Variants in ACTN1 observed in about 807,000 individuals in gnomAD.
ACTN1 encodes alpha-actinin-1.
A neutral mutation model predicts 119.6 loss-of-function variants in ACTN1; 30 were observed. That is an observed-to-expected ratio of 0.25 (90% CI 0.19 to 0.34). The LOEUF (loss-of-function observed/expected upper bound fraction) is 0.34. Ranked by LOEUF, ACTN1 falls within the 10% of genes least tolerant of loss-of-function variation. The pLI is 1.00. For synonymous variants in ACTN1, 429 were observed against 472.6 expected (o/e 0.91, Z 1.20); for missense variants, 764 against 1,223.4 (o/e 0.62, Z 5.60).
At chr14:68,924,426 C>G (rs2034814616) in intron 2 of ACTN1, among the ~76,000 whole-genome samples, 1 of 152,212 alleles carries the variant, frequency 6.6e-6, no homozygotes, top group South Asian at 2.1e-4. Context: ...TGCCCCCACC[C>G]CACAACTGGC....
intron 1 of ACTN1, among the ~76,000 whole-genome samples, chr14:68,961,867 A>C (rs1184785015): frequency 6.6e-6 from 1 of 152,160 alleles, no homozygotes; most frequent in Non-Finnish European, 1.5e-5. Flanking sequence ...CCCCACGGGA[A>C]GCATTCCTCA....
rs1359032323 is a variant in ACTN1, at chr14:68,921,385, A to C, written c.221-260T>G. On this transcript the variant is annotated intron_variant, in intron 2 of 21. Coordinates refer to ENST00000394419, the MANE Select transcript of ACTN1 (RefSeq NM_001130004.2). The stretch of plus-strand genomic sequence containing the variant: ...GCTTGCATCCACTCAACATTTATTT[A>C]TCGAGCCCCTACCGCATGCCAGGGA... The C allele has an allele frequency of 8.3e-6, 3 of 360,582 alleles. No homozygotes were observed. The East Asian group carries it at 1.7e-4, about 20-fold the overall frequency. The allele number at this position is 360,582 out of a possible 1,614,324, so 22.3% of individuals were successfully genotyped here.
Position 68,885,377 on chromosome 14 carries a change from C to G in ACTN1, c.1385+48G>C, listed in dbSNP as rs1209520204. On this transcript the variant is annotated intron_variant, in intron 12 of 21. Coordinates refer to ENST00000394419, the MANE Select transcript of ACTN1 (RefSeq NM_001130004.2). This position sits in a 1 kb window ranked among gnomAD's most constrained non-coding sequence, Gnocchi z 5.6. ...CACCTCCCCCAGCAGCTGAGAAAGC[C>G]CAGCCTCAGCCCCTCACCACAGGGT... 1.3e-6 allele frequency: 2 copies of G among 1,560,850 alleles called. No individual in the cohort carries two copies. The highest frequency in any genetic ancestry group is 1.7e-6 in the Non-Finnish European group (2 of 1,150,338).
rs58500225 is a variant in ACTN1, at chr14:68,881,955, T to TTTTTTTTTTTTTTTTTTTTTTTTTGA, written c.1953+502_1953+503insTCAAAAAAAAAAAAAAAAAAAAAAAA. ...CAGCTTCTTTTTTTTTTTTTTTTTT[T>TTTTTTTTTTTTTTTTTTTTTTTTTGA]GACAGAGTCTTGCTCTGTTGCCCAA... is the stretch of plus-strand genomic sequence containing the variant. On this transcript the variant is annotated intron_variant, in intron 16 of 21. Coordinates refer to ENST00000394419, the MANE Select transcript of ACTN1 (RefSeq NM_001130004.2). Among the ~76,000 whole-genome samples, 80 of 102,970 alleles carry TTTTTTTTTTTTTTTTTTTTTTTTTGA rather than the reference T, an allele frequency of 7.8e-4. 8 individuals are homozygous for TTTTTTTTTTTTTTTTTTTTTTTTTGA. The highest frequency in any genetic ancestry group is 1.3e-3 in the African/African-American group (30 of 22,906). The allele number at this position is 102,970 out of a possible 152,430, so 67.6% of individuals were successfully genotyped here. A position where few individuals can be genotyped will look rare whatever the true frequency, so the allele number is the denominator to read the frequency against.
chr14:68,874,837 G>A lies in ACTN1; in HGVS notation c.*22C>T, dbSNP rs547011909. 5.2e-6 allele frequency: 8 copies of A among 1,549,310 alleles called. No individual in the cohort carries two copies. Among genetic ancestry groups the A allele is most frequent in the African/African-American group, 1.4e-5 (1 of 74,062 alleles). On this transcript the variant is annotated 3_prime_UTR_variant, in exon 22 of 22. Coordinates refer to ENST00000394419, the MANE Select transcript of ACTN1 (RefSeq NM_001130004.2). The stretch of plus-strand genomic sequence containing the variant: ...CAAGGCAGGGCACGGCGCACAAGAC[G>A]AGGGCGGCCGGGCGGGGTGGATTAG...
chr14:68,875,184 A>G (rs1343328155), intron 21 of ACTN1, 167 bp from the exon 22 acceptor site: 1 of 1,492,612 alleles, frequency 6.7e-7, no homozygotes, highest in East Asian at 2.5e-5. Context: ...ACACATGTAC[A>G]TACCGCATAC....
intron 1 of ACTN1, among the ~76,000 whole-genome samples, chr14:68,936,447 T>C (rs1266621875): frequency 6.6e-6 from 1 of 151,806 alleles, no homozygotes; most frequent in Non-Finnish European, 1.5e-5. Flanking sequence ...AACACTTGCT[T>C]TTCACAGAAT....
intron 1 of ACTN1, among the ~76,000 whole-genome samples, chr14:68,937,970 G>A (rs185198346): frequency 7.9e-4 from 121 of 152,368 alleles, no homozygotes; most frequent in Admixed American, 3.8e-3. Context: ...GCCAGGGGGC[G>A]TGCTGGAATC....
intron 3 of ACTN1, among the ~76,000 whole-genome samples, chr14:68,917,373 C>A (rs11628552): frequency 1.1e-4 from 17 of 152,284 alleles, no homozygotes; most frequent in Non-Finnish European, 2.2e-4. Context: ...TCGGAGTCAG[C>A]CAGAGGTCTT....
chr14:68,905,546 A>C (rs934517329), intron 6 of ACTN1, among the ~76,000 whole-genome samples: 1 of 152,218 alleles, frequency 6.6e-6, no homozygotes, highest in African/African-American at 2.4e-5. Flanking sequence ...GGTGGAAGCA[A>C]CCCAAGTACC....
At chr14:68,899,438 A>C (rs1473724098) in intron 8 of ACTN1, among the ~76,000 whole-genome samples, 1 of 128,434 alleles carries the variant, frequency 7.8e-6, no homozygotes, top group Non-Finnish European at 1.6e-5. Context: ...CACACCCCCC[A>C]GACACACACC....
intron 1 of ACTN1, chr14:68,978,060 C>G: frequency 2.2e-6 from 1 of 455,822 alleles, no homozygotes; most frequent in South Asian, 1.5e-5. Context: ...ATCGCCAGCT[C>G]CGAGCCCAGC....
chr14:68,874,298 T>G lies in ACTN1; in HGVS notation c.*561A>C, dbSNP rs2030571909. On this transcript the variant is annotated 3_prime_UTR_variant, in exon 22 of 22. Coordinates refer to ENST00000394419, the MANE Select transcript of ACTN1 (RefSeq NM_001130004.2). ...TTTAAAAATGAGAAGCCACATAAATTCTCTTCCTTAAAAAACAGCCATTTC... is the reference window on the plus strand; with the variant it reads ...TTTAAAAATGAGAAGCCACATAAATGCTCTTCCTTAAAAAACAGCCATTTC... 6.6e-6 allele frequency: 1 copy of G among 152,326 alleles called. No homozygotes were observed. The highest frequency in any genetic ancestry group is 2.4e-5 in the African/African-American group (1 of 41,454). 9.4% of individuals were successfully genotyped at this position (152,326 alleles called of 1,614,324 possible).
At chr14:68,881,015 G>A (rs776992505) in intron 16 of ACTN1, 26 bp from the exon 17 acceptor site, 1 of 1,612,086 alleles carries the variant, frequency 6.2e-7, no homozygotes, top group East Asian at 2.2e-5. Context: ...GAAGCACCTT[G>A]TCAGACCACC....
At chr14:68,906,808 T>C (rs929284311) in intron 6 of ACTN1, among the ~76,000 whole-genome samples, 11 of 152,094 alleles carry the variant, frequency 7.2e-5, no homozygotes, top group African/African-American at 2.4e-4. Flanking sequence ...GGGCTGGATT[T>C]TACTGATGAT....
At chr14:68,916,057 T>C (rs1273169416) in intron 3 of ACTN1, among the ~76,000 whole-genome samples, 2 of 152,174 alleles carry the variant, frequency 1.3e-5, no homozygotes, top group African/African-American at 2.4e-5. Context: ...CATTAATGCT[T>C]ATGAGTGCTT....
intron 1 of ACTN1, among the ~76,000 whole-genome samples, chr14:68,973,031 G>A (rs1358067715): frequency 6.6e-6 from 1 of 152,206 alleles, no homozygotes; most frequent in African/African-American, 2.4e-5. Flanking sequence ...CAGCTTTGGG[G>A]CCTGCCCATC....
At chr14:68,938,418 T>G (rs1349295474) in intron 1 of ACTN1, among the ~76,000 whole-genome samples, 1 of 152,008 alleles carries the variant, frequency 6.6e-6, no homozygotes, top group Non-Finnish European at 1.5e-5. Context: ...ACACCTCACA[T>G]TACATCTGTC....
At chr14:68,919,088 C>T (rs191164387) in intron 3 of ACTN1, among the ~76,000 whole-genome samples, 76 of 152,322 alleles carry the variant, frequency 5.0e-4, no homozygotes, top group Non-Finnish European at 9.4e-4. Context: ...CCCTGCCCTC[C>T]TCCCCTTTGG....
Sources: gnomAD v4.1 joint callset for allele counts (sites outside exome capture counted in the v4.1 genomes callset) on GRCh38, gnomAD v4.1.1 for gene constraint, Gnocchi (gnomAD v3.1) non-coding constraint, MANE v1.5 for transcripts, NCBI Gene and HGNC (gene_info 2026-07-23, HGNC 2026-07-21) for gene names.